Variants in GSDMA observed in about 807,000 individuals in gnomAD.
GSDMA encodes the protein gasdermin-A.
GSDMA carries 55 observed loss-of-function variants against 54.3 expected under a neutral mutation model. The observed-to-expected ratio is 1.01, with a 90% CI of 0.82 to 1.27. GSDMA has a LOEUF of 1.27. Ranked by LOEUF, GSDMA falls within the 50% of genes most tolerant of loss-of-function variation. GSDMA has a pLI of 0.00. For synonymous variants in GSDMA, 211 were observed against 224.7 expected, an observed-to-expected ratio of 0.94 and a Z score of 0.54; for missense variants, 542 against 542.6, an observed-to-expected ratio of 1.00 and a Z score of 0.01.
In GSDMA at chr17:39,970,658, AACACACAC is replaced by A. The variant is rs58338887; in HGVS notation, c.558+30_558+37del. The A allele has an allele frequency of 0.4, 523,535 of 1,313,966 alleles. 78,863 individuals are homozygous for A. Among genetic ancestry groups the A allele is most frequent in the East Asian group, 0.49 (16,003 of 32,830 alleles). The allele number at this position is 1,313,966 out of a possible 1,614,324, so 81.4% of individuals were successfully genotyped here. A position where few individuals can be genotyped will look rare whatever the true frequency, so the allele number is the denominator to read the frequency against. Reference sequence around the variant, plus strand: ...CCATTGGGGCTACAGGTTTGATTCAAACACACACACACACACACACACACACTCTCACA... The same window carrying A: ...CCATTGGGGCTACAGGTTTGATTCAAACACACACACACACACACTCTCACA... On this transcript the variant is annotated intron_variant, in intron 4 of 11. Transcript: ENST00000301659.
At chr17:39,968,466 G>C (rs1014903749) in intron 3 of GSDMA, among the ~76,000 whole-genome samples, 1 of 147,642 alleles carries the variant, frequency 6.8e-6, no homozygotes. Context: ...TCCTGCCTCA[G>C]CCTCCTGAGT....
intron 9 of GSDMA, 86 bp from the exon 10 acceptor site, chr17:39,974,814 C>G: frequency 1.4e-6 from 1 of 736,492 alleles, no homozygotes; most frequent in Non-Finnish European, 2.3e-6. Flanking sequence ...AGAGAGTTTC[C>G]GCATGTCAAG....
chr17:39,974,095 G>A lies in GSDMA; in HGVS notation c.752-178G>A, dbSNP rs572696690. 8.5e-5 allele frequency among the ~76,000 whole-genome samples: 13 copies of A among 152,288 alleles called. No homozygotes were observed. In the South Asian group the frequency reaches 2.7e-3, roughly 32 times the overall value. On this transcript the variant is annotated intron_variant, in intron 8 of 11. Coordinates refer to ENST00000301659, the MANE Select transcript of GSDMA (RefSeq NM_178171.5). ...TTCTCGCCCCAACCCTCAGGTTAGGGTTGGTGGATAGTTCTGTCACCGCAT... is the reference window on the plus strand; with the variant it reads ...TTCTCGCCCCAACCCTCAGGTTAGGATTGGTGGATAGTTCTGTCACCGCAT...
Position 39,970,556 on chromosome 17 carries a change from T to A in GSDMA, c.467T>A (p.Val156Glu). 1 of 1,609,436 alleles carries A rather than the reference T, an allele frequency of 6.2e-7. No homozygotes were observed. Among genetic ancestry groups the A allele is most frequent in the South Asian group, 1.1e-5 (1 of 90,538 alleles). ...QGENLYVVME[V>E]VETVQEVTLE... is the part of the protein sequence containing the mutation. ...GAGAACCTGTATGTGGTGATGGAGG[T>A]GGTGGAGACGGTGCAGGAGGTCACA... The change falls in exon 4 of 12, where the codon GTG (valine) becomes GAG (glutamate). Residue 156 changes from valine to glutamate, a missense_variant. Physicochemically the swap from Val to Glu is moderately radical, Grantham distance 121. Transcript: ENST00000301659.
Position 39,976,821 on chromosome 17 carries a change from G to A in GSDMA, c.1101G>A (p.Glu367=). The change falls in exon 12 of 12, where the codon GAG becomes GAA. Residue 367 remains glutamate, a synonymous_variant. Coordinates refer to ENST00000301659, the MANE Select transcript of GSDMA (RefSeq NM_178171.5). ...GCTGTTTTGATTCCCTCCAGGTGGA[G>A]AGCACGATGGAACAGAACTTCCTGC... The part of the protein sequence containing the change: ...KILPVQLKLV[E]STMEQNFLLD... 8 of 1,613,938 alleles carry A rather than the reference G, an allele frequency of 5.0e-6. No homozygotes were observed. Among genetic ancestry groups the A allele is most frequent in the Non-Finnish European group, 6.8e-6 (8 of 1,179,878 alleles).
At chr17:39,976,302 G>C (rs1413296393) in intron 11 of GSDMA, among the ~76,000 whole-genome samples, 2 of 144,190 alleles carry the variant, frequency 1.4e-5, no homozygotes, top group African/African-American at 5.1e-5. Flanking sequence ...TTTTGAGATA[G>C]AGTTTCACTC....
At chr17:39,975,902 T>C (rs754571163) in intron 10 of GSDMA, 22 bp from the exon 11 acceptor site, 1 of 1,570,934 alleles carries the variant, frequency 6.4e-7, no homozygotes, top group Non-Finnish European at 8.7e-7. Context: ...AACACACATC[T>C]TTCTCTGCTT....
At chr17:39,969,928 G>A (rs931085555) in intron 3 of GSDMA, among the ~76,000 whole-genome samples, 25 of 151,580 alleles carry the variant, frequency 1.6e-4, no homozygotes, top group Non-Finnish European at 3.2e-4. Flanking sequence ...TAATTTGAGG[G>A]AGTGGCATGA....
chr17:39,973,853 C>T lies in GSDMA; in HGVS notation c.751+23C>T, dbSNP rs187010693. The stretch of plus-strand genomic sequence containing the variant: ...TTGGTAAGGAACTTTGTGAGTTTCT[C>T]CCAAGACTTTGGCATGGAGGTAGCA... On this transcript the variant is annotated intron_variant, in intron 8 of 11. Transcript: ENST00000301659. 252 of 1,609,444 alleles carry T rather than the reference C, an allele frequency of 1.6e-4. 7 individuals are homozygous for T. In the East Asian group the frequency reaches 2.8e-3, roughly 18 times the overall value.
chr17:39,976,999 C>T lies in GSDMA; in HGVS notation c.1279C>T (p.Arg427Cys), dbSNP rs774076810. The T allele has an allele frequency of 5.6e-6, 9 of 1,613,836 alleles. No individual in the cohort carries two copies. Among genetic ancestry groups the T allele is most frequent in the East Asian group, 4.5e-5 (2 of 44,882 alleles). The change falls in exon 12 of 12, where the codon CGC (arginine) becomes TGC (cysteine). Residue 427 changes from arginine (R) to cysteine (C), a missense_variant. Coordinates refer to ENST00000301659, the MANE Select transcript of GSDMA (RefSeq NM_178171.5). ...QYMWDPDTLP[R>C]LCALYAGLSL... is the part of the protein sequence containing the mutation. ...TATGTGGGACCCAGACACCCTCCCT[C>T]GCCTCTGTGCTCTTTATGCAGGCCT...
At position 39,974,353 on chromosome 17, in the gene GSDMA, G is replaced by A. The variant is rs1980104398; in HGVS notation, c.832G>A (p.Gly278Arg). The change falls in exon 9 of 12, where the codon GGG becomes AGG. Residue 278 changes from glycine to arginine, a missense_variant. Gly to Arg is a moderately radical substitution (Grantham distance 125). Coordinates refer to ENST00000301659, the MANE Select transcript of GSDMA (RefSeq NM_178171.5). The stretch of plus-strand genomic sequence containing the variant: ...ACAAGTGGAGAAGCTGAGCCGAGTA[G>A]GGCAAAGCTCCCTGCTCAGCTCCCT... ...TQQVEKLSRV[G>R]QSSLLSSLSK... 2 of 1,605,794 alleles carry A rather than the reference G, an allele frequency of 1.2e-6. No homozygotes were observed. Among genetic ancestry groups the A allele is most frequent in the Non-Finnish European group, 1.7e-6 (2 of 1,176,216 alleles).
chr17:39,975,384 G>A (rs1331185087), intron 10 of GSDMA, among the ~76,000 whole-genome samples: 1 of 151,988 alleles, frequency 6.6e-6, no homozygotes, highest in African/African-American at 2.4e-5. Context: ...AGGAGGGGGA[G>A]GGTGCAGTGA....
At chr17:39,967,326 T>G (rs969362366) in intron 3 of GSDMA, among the ~76,000 whole-genome samples, 7 of 152,166 alleles carry the variant, frequency 4.6e-5, no homozygotes, top group Admixed American at 2.0e-4. Flanking sequence ...CTCACAGACA[T>G]GGCAGCCTCT....
rs533647469 is a variant in GSDMA, at chr17:39,977,378, G to A, written c.*320G>A. On this transcript the variant is annotated 3_prime_UTR_variant, in exon 12 of 12. Coordinates refer to ENST00000301659, the MANE Select transcript of GSDMA (RefSeq NM_178171.5). ...TTGATCTTGGCTCACTGCAACCTCC[G>A]CCTCCCAGGTTCAAGCAATTCTCCT... is the stretch of plus-strand genomic sequence containing the variant. 148 of 192,568 alleles carry A rather than the reference G, an allele frequency of 7.7e-4. No homozygotes were observed. Among genetic ancestry groups the A allele is most frequent in the African/African-American group, 2.2e-3 (81 of 37,464 alleles). The allele number at this position is 192,568 out of a possible 1,614,324, so 11.9% of individuals were successfully genotyped here. A position where few individuals can be genotyped will look rare whatever the true frequency, so the allele number is the denominator to read the frequency against.
chr17:39,974,276 A>G lies in GSDMA; in HGVS notation c.755A>G (p.Asp252Gly), dbSNP rs763997051. ...VILIQASDVG[D>G]VHEGFRTLKE... ...TGTCCCATTATTGTCCCCATAGGGGACGTACACGAAGGCTTCAGGACACTA... is the reference window on the plus strand; with the variant it reads ...TGTCCCATTATTGTCCCCATAGGGGGCGTACACGAAGGCTTCAGGACACTA... The change falls in exon 9 of 12, where the codon GAC becomes GGC. Residue 252 changes from aspartate (D) to glycine (G), a missense_variant. By Grantham distance (94) the Asp-to-Gly change is moderately conservative. Transcript: ENST00000301659. 6.2e-7 allele frequency: 1 copy of G among 1,609,376 alleles called. No individual in the cohort carries two copies. The highest frequency in any genetic ancestry group is 1.1e-5 in the South Asian group (1 of 89,994).
At chr17:39,969,603 T>A (rs3859193) in intron 3 of GSDMA, among the ~76,000 whole-genome samples, 66,720 of 151,812 alleles carry the variant, frequency 0.44, 15,118 homozygotes, top group Admixed American at 0.53. Flanking sequence ...CAGGATCGAG[T>A]ATTGCACAGA....
rs1380598933 is a variant in GSDMA at position 39,972,148 on chromosome 17, T to C, written c.675T>C (p.Asn225=). ...TCACAGATATTCCACATATCTGCAA[T>C]GATAACATGCAAACCTTCCCTCCTG... ...KDEWDIPHIC[N]DNMQTFPPGE... The change falls in exon 6 of 12, where the codon AAT becomes AAC. Residue 225 remains asparagine, a synonymous_variant. Coordinates refer to ENST00000301659, the MANE Select transcript of GSDMA (RefSeq NM_178171.5). The C allele has an allele frequency of 1.8e-6, 2 of 1,113,292 alleles. No homozygotes were observed. Among genetic ancestry groups the C allele is most frequent in the African/African-American group, 1.8e-5 (1 of 55,436 alleles). 69.0% of individuals were successfully genotyped at this position (1,113,292 alleles called of 1,614,324 possible). A position where few individuals can be genotyped will look rare whatever the true frequency, so the allele number is the denominator to read the frequency against.
chr17:39,966,049 G>T, intron 2 of GSDMA, 148 bp downstream of exon 2: 1 of 807,398 alleles, frequency 1.2e-6, no homozygotes, highest in South Asian at 1.7e-5. Context: ...TGAGGAGGCT[G>T]GTGGTCGGGG....
At chr17:39,974,216 T>C (rs1980089747) in intron 8 of GSDMA, 57 bp from the exon 9 acceptor site, 1 of 1,528,650 alleles carries the variant, frequency 6.5e-7, no homozygotes, top group Non-Finnish European at 8.8e-7. Context: ...GGGGGAATGC[T>C]GACTGGAGAG....
Sources: gnomAD v4.1 joint callset for allele counts (sites outside exome capture counted in the v4.1 genomes callset) on GRCh38, gnomAD v4.1.1 for gene constraint, MANE v1.5 for transcripts, NCBI Gene and HGNC (gene_info 2026-07-23, HGNC 2026-07-21) for gene names.